Variants in DAAM1 observed in about 807,000 individuals in gnomAD.
The protein encoded by DAAM1 is disheveled-associated activator of morphogenesis 1.
A neutral mutation model predicts 130.0 loss-of-function variants in DAAM1; 52 were observed. That is an observed-to-expected ratio of 0.40 (90% CI 0.32 to 0.50). The LOEUF is 0.50. Ranked by LOEUF, DAAM1 falls within the 20% of genes least tolerant of loss-of-function variation. DAAM1 has a pLI of 0.61. For missense variants in DAAM1, 1,134 were observed against 1,303.8 expected, an observed-to-expected ratio of 0.87 and a Z score of 2.01; for synonymous variants, 452 against 444.5, an observed-to-expected ratio of 1.02 and a Z score of -0.21.
At chr14:59,324,083 T>G in intron 6 of DAAM1, 45 bp from the exon 7 acceptor site, 1 of 1,199,254 alleles carries the variant, frequency 8.3e-7, no homozygotes, top group South Asian at 3.0e-5. Flanking sequence ...AAAATGAGCA[T>G]AAGGTTAGTA....
intron 2 of DAAM1, among the ~76,000 whole-genome samples, chr14:59,268,103 A>G (rs1006937115): frequency 1.3e-5 from 2 of 151,822 alleles, no homozygotes; most frequent in Admixed American, 6.6e-5. Flanking sequence ...GGGTTTTGCC[A>G]TGTTGGTCAG....
intron 3 of DAAM1, among the ~76,000 whole-genome samples, chr14:59,294,008 C>G (rs1310283646): frequency 6.6e-6 from 1 of 152,196 alleles, no homozygotes; most frequent in Non-Finnish European, 1.5e-5. Context: ...ACATCCATTT[C>G]TCAGGCTGGA....
chr14:59,188,783 C>G lies in DAAM1; in HGVS notation c.-38+15C>G, dbSNP rs1014746974. 1.3e-5 allele frequency: 2 copies of G among 153,004 alleles called. No individual in the cohort carries two copies. The highest frequency in any genetic ancestry group is 4.8e-5 in the African/African-American group (2 of 41,450). The allele number at this position is 153,004 out of a possible 1,614,324, so 9.5% of individuals were successfully genotyped here. ...GGGCTGCTCAGGTAAGGGGGACGCTCCTCCTTGCCCGCCGCACTCATTCAT... is the reference window on the plus strand; with the variant it reads ...GGGCTGCTCAGGTAAGGGGGACGCTGCTCCTTGCCCGCCGCACTCATTCAT... On this transcript the variant is annotated intron_variant, in intron 1 of 24. Transcript: ENST00000360909.
In DAAM1 at chr14:59,210,749, A is replaced by G. The variant is rs192562114; in HGVS notation, c.-38+21981A>G. Among the ~76,000 whole-genome samples the G allele has an allele frequency of 5.3e-5, 8 of 152,340 alleles. No individual in the cohort carries two copies. In the East Asian group the frequency reaches 1.3e-3, roughly 26 times the overall value. On this transcript the variant is annotated intron_variant, in intron 1 of 24. Transcript: ENST00000360909. ...GTTTTCTGCTGATGGTGTGACTGCT[A>G]CAAAGAAGGCTTTTCTGAAGGCATA...
In DAAM1 at chr14:59,330,484, A is replaced by T; in HGVS notation, c.1373-17A>T. ...GAAGACTCTCCTGTTTTCATGTCCAATTGTTTTCTCGTGTAGAGCACAATG... is the reference window on the plus strand; with the variant it reads ...GAAGACTCTCCTGTTTTCATGTCCATTTGTTTTCTCGTGTAGAGCACAATG... On this transcript the variant is annotated splice_polypyrimidine_tract_variant and intron_variant, in intron 12 of 24. Coordinates refer to ENST00000360909, the MANE Select transcript of DAAM1 (RefSeq NM_001270520.2). 6.4e-7 allele frequency: 1 copy of T among 1,565,426 alleles called. No homozygotes were observed. The highest frequency in any genetic ancestry group is 8.6e-7 in the Non-Finnish European group (1 of 1,159,046).
intron 15 of DAAM1, among the ~76,000 whole-genome samples, chr14:59,332,967 C>T (rs959470738): frequency 2.6e-5 from 4 of 152,056 alleles, no homozygotes; most frequent in South Asian, 2.1e-4. Context: ...CAGCAGACTT[C>T]CTAGTTGGTT....
intron 1 of DAAM1, among the ~76,000 whole-genome samples, chr14:59,231,648 C>T (rs1293951031): frequency 6.6e-6 from 1 of 152,080 alleles, no homozygotes. Context: ...AATCTTTGGG[C>T]CTCAGATCCT....
At chr14:59,303,373 C>T (rs1205883789) in intron 3 of DAAM1, among the ~76,000 whole-genome samples, 1 of 152,168 alleles carries the variant, frequency 6.6e-6, no homozygotes, top group African/African-American at 2.4e-5. Context: ...TGGTTACCAC[C>T]ACCCCAGTGG....
At chr14:59,236,510 A>C (rs921509078) in intron 1 of DAAM1, among the ~76,000 whole-genome samples, 2 of 152,014 alleles carry the variant, frequency 1.3e-5, no homozygotes, top group Non-Finnish European at 2.9e-5. Flanking sequence ...AGATTTTTGC[A>C]TGGCTGTCTT....
chr14:59,272,009 A>G (rs928775059), intron 2 of DAAM1, among the ~76,000 whole-genome samples: 1 of 152,194 alleles, frequency 6.6e-6, no homozygotes, highest in Non-Finnish European at 1.5e-5. Flanking sequence ...GTTTTAATCT[A>G]TTGTTTATTA....
At chr14:59,333,131 TG>T (rs1222692179) in intron 15 of DAAM1, among the ~76,000 whole-genome samples, 2 of 151,984 alleles carry the variant, frequency 1.3e-5, no homozygotes, top group South Asian at 4.1e-4. Context: ...ACATCTGAAA[TG>T]GGGGGGAAAA....
chr14:59,347,557 C>T lies in DAAM1; in HGVS notation c.2094C>T (p.Asp698=), dbSNP rs1027434867. The T allele has an allele frequency of 7.4e-6, 12 of 1,613,430 alleles. No individual in the cohort carries two copies. The highest frequency in any genetic ancestry group is 5.3e-5 in the African/African-American group (4 of 74,884). The part of the protein sequence containing the change: ...ILLSRLKLSN[D]EIKRAILTMD... ...TCTCCAGGTTGAAATTATCCAATGA[C>T]GAAATCAAACGGGCAATTCTAACAA... The change falls in exon 17 of 25, where the codon GAC becomes GAT. Residue 698 remains aspartate (D), a synonymous_variant. Transcript: ENST00000360909.
At chr14:59,303,928 A>T (rs1884277819) in intron 3 of DAAM1, among the ~76,000 whole-genome samples, 2 of 152,100 alleles carry the variant, frequency 1.3e-5, no homozygotes, top group South Asian at 4.1e-4. Context: ...ATAAAATAAA[A>T]TAAATAACAG....
intron 23 of DAAM1, 61 bp from the exon 24 acceptor site, chr14:59,367,368 T>C: frequency 8.5e-6 from 13 of 1,534,576 alleles, no homozygotes; most frequent in Non-Finnish European, 9.6e-6. Flanking sequence ...TCTCAAGTTA[T>C]TTATATTTGA....
chr14:59,249,825 C>T (rs1422115269), intron 1 of DAAM1, among the ~76,000 whole-genome samples: 4 of 152,164 alleles, frequency 2.6e-5, no homozygotes, highest in Non-Finnish European at 5.9e-5. Context: ...GCTGCAGCCA[C>T]ACATTCAGTG....
chr14:59,340,209 A>G (rs777891157), intron 16 of DAAM1, 29 bp downstream of exon 16: 21 of 1,595,638 alleles, frequency 1.3e-5, no homozygotes, highest in Non-Finnish European at 1.7e-5. Flanking sequence ...AAACATTTCT[A>G]GTAGGACCAA....
chr14:59,289,767 G>GATATACATATATATATATATATATAT (rs1555360750), intron 2 of DAAM1, among the ~76,000 whole-genome samples: 1 of 110,220 alleles, frequency 9.1e-6, no homozygotes, highest in Non-Finnish European at 1.9e-5. Flanking sequence ...AACAAAATGT[G>GATATACATATATATATATATATATAT]ATATATATAT....
intron 1 of DAAM1, among the ~76,000 whole-genome samples, chr14:59,200,605 C>A (rs1042673382): frequency 4.6e-5 from 7 of 152,122 alleles, no homozygotes; most frequent in Non-Finnish European, 1.0e-4. Context: ...TAAAAACCAA[C>A]CCAAGTTCCT....
chr14:59,205,554 C>G (rs1888231876), intron 1 of DAAM1, among the ~76,000 whole-genome samples: 1 of 152,034 alleles, frequency 6.6e-6, no homozygotes, highest in African/African-American at 2.4e-5. Context: ...GGAAAATGAC[C>G]AGATTTAAAA....
Sources: gnomAD v4.1 joint callset for allele counts (sites outside exome capture counted in the v4.1 genomes callset) on GRCh38, gnomAD v4.1.1 for gene constraint, MANE v1.5 for transcripts, NCBI Gene and HGNC (gene_info 2026-07-23, HGNC 2026-07-21) for gene names.